Variants in RFX4 observed in about 807,000 individuals in gnomAD.
RFX4 encodes regulatory factor X4, also known as transcription factor RFX4.
In RFX4, 10 loss-of-function variants were observed where a neutral mutation model predicts 95.0. The ratio of observed to expected loss-of-function variants is 0.11; its 90% CI spans 0.06 to 0.18. RFX4 has a LOEUF of 0.18. Ranked by LOEUF, RFX4 falls within the 10% of genes least tolerant of loss-of-function variation. The probability of loss-of-function intolerance (pLI) is 1.00; values close to 1 mark genes in which losing one functional copy is unlikely to be tolerated. For missense variants in RFX4, 640 were observed against 922.0 expected, an observed-to-expected ratio of 0.69 and a Z score of 3.96; for synonymous variants, 321 against 340.7, an observed-to-expected ratio of 0.94 and a Z score of 0.64.
chr12:106,730,961 A>G (rs1394730196), intron 13 of RFX4, among the ~76,000 whole-genome samples: 1 of 152,158 alleles, frequency 6.6e-6, no homozygotes, highest in East Asian at 1.9e-4. Flanking sequence ...GACAGCGCCA[A>G]TGCACTCCAG....
chr12:106,671,692 C>T (rs939698223), intron 4 of RFX4, among the ~76,000 whole-genome samples: 5 of 151,882 alleles, frequency 3.3e-5, no homozygotes, highest in African/African-American at 4.8e-5. Context: ...GATGGAGTCT[C>T]GCTCTGTCAC....
chr12:106,639,424 C>T, intron 3 of RFX4, 32 bp downstream of exon 3: 1 of 1,594,554 alleles, frequency 6.3e-7, no homozygotes, highest in Non-Finnish European at 8.6e-7. Flanking sequence ...GTTCTGTCTT[C>T]AGAGGATGCT....
intron 17 of RFX4, 39 bp downstream of exon 17, chr12:106,750,832 A>ATACT (rs1250172721): frequency 3.4e-6 from 5 of 1,489,168 alleles, no homozygotes; most frequent in Non-Finnish European, 4.5e-6. Context: ...AGGCCTTGGT[A>ATACT]TACTTGGTGC....
At chr12:106,679,464 CA>C (rs35165186) in intron 4 of RFX4, among the ~76,000 whole-genome samples, 52,650 of 145,990 alleles carry the variant, frequency 0.36, 9,248 homozygotes, top group South Asian at 0.4. Context: ...CAGAAAAAAA[CA>C]AAAAAAAAAA....
intron 1 of RFX4, among the ~76,000 whole-genome samples, chr12:106,602,510 C>A (rs2039732920): frequency 6.6e-6 from 1 of 152,000 alleles, no homozygotes; most frequent in Admixed American, 6.6e-5. Context: ...CAGATTTGAG[C>A]TCCAAACCCC....
At chr12:106,677,336 G>C (rs1350758916) in intron 4 of RFX4, among the ~76,000 whole-genome samples, 1 of 152,044 alleles carries the variant, frequency 6.6e-6, no homozygotes, top group African/African-American at 2.4e-5. Flanking sequence ...TGGCATTCCA[G>C]GCACAGGGAA....
chr12:106,694,803 G>A lies in RFX4; in HGVS notation c.670-1480G>A, dbSNP rs139640532. On this transcript the variant is annotated intron_variant, in intron 7 of 17. Coordinates refer to ENST00000392842, the MANE Select transcript of RFX4 (RefSeq NM_213594.3). ...TAATCCCAGGACTTTGGGAGGCCGA[G>A]GCGTGCAGATCACCTGAGGTCAGGT... 6.5e-3 allele frequency among the ~76,000 whole-genome samples: 989 copies of A among 152,238 alleles called. 12 individuals are homozygous for A. Among genetic ancestry groups the A allele is most frequent in the African/African-American group, 0.023 (959 of 41,544 alleles).
chr12:106,694,297 G>A (rs2041837916), intron 7 of RFX4, among the ~76,000 whole-genome samples: 1 of 152,196 alleles, frequency 6.6e-6, no homozygotes, highest in Admixed American at 6.5e-5. Context: ...CCACAGGGAA[G>A]TCCAGGCAGG....
In RFX4 at chr12:106,607,471, G is replaced by A. The variant is rs1332266215; in HGVS notation, c.44-1326G>A. Among the ~76,000 whole-genome samples the A allele has an allele frequency of 3.3e-5, 5 of 149,454 alleles. No homozygotes were observed. In the South Asian group the frequency reaches 8.4e-4, roughly 25 times the overall value. ...GTGAGTTATTATGAAGTGAGCAGGT[G>A]TGACTCATAACACAACGTGGACCGA... is the stretch of plus-strand genomic sequence containing the variant. On this transcript the variant is annotated intron_variant, in intron 1 of 17. Coordinates refer to ENST00000392842, the MANE Select transcript of RFX4 (RefSeq NM_213594.3).
At chr12:106,688,219 G>A (rs887166021) in intron 6 of RFX4, among the ~76,000 whole-genome samples, 2 of 151,794 alleles carry the variant, frequency 1.3e-5, no homozygotes. Context: ...ACAGGCGCCC[G>A]CCATCACACC....
intron 4 of RFX4, among the ~76,000 whole-genome samples, chr12:106,675,891 G>C (rs2041383101): frequency 1.3e-5 from 2 of 152,186 alleles, no homozygotes; most frequent in Non-Finnish European, 2.9e-5. Context: ...AGAGGACGGG[G>C]AGAGGTAAGC....
intron 15 of RFX4, among the ~76,000 whole-genome samples, chr12:106,746,205 T>A (rs7972561): frequency 0.37 from 56,696 of 151,576 alleles, 10,695 homozygotes; most frequent in African/African-American, 0.42. Flanking sequence ...AAAATACAAA[T>A]ATTAGCCAGG....
At chr12:106,719,865 C>T in intron 11 of RFX4, 95 bp from the exon 12 acceptor site, 1 of 972,040 alleles carries the variant, frequency 1.0e-6, no homozygotes, top group Non-Finnish European at 1.6e-6. Flanking sequence ...TAAAGTTTTA[C>T]TTTATTCAAA....
chr12:106,640,894 C>A (rs1441754260), intron 3 of RFX4, among the ~76,000 whole-genome samples: 1 of 150,472 alleles, frequency 6.6e-6, no homozygotes, highest in Non-Finnish European at 1.5e-5. Context: ...GATCCTCTTA[C>A]CTCAGCCTCC....
At chr12:106,671,849 A>G (rs931496652) in intron 4 of RFX4, among the ~76,000 whole-genome samples, 5 of 151,958 alleles carry the variant, frequency 3.3e-5, no homozygotes, top group Non-Finnish European at 7.4e-5. Flanking sequence ...TTTAGTAGAG[A>G]CAGGGTTTCA....
chr12:106,597,045 A>C (rs947779371), intron 1 of RFX4, among the ~76,000 whole-genome samples: 1 of 152,142 alleles, frequency 6.6e-6, no homozygotes, highest in Non-Finnish European at 1.5e-5. Flanking sequence ...ATCCCTTACT[A>C]TGTGCTAGGC....
Position 106,622,777 on chromosome 12 carries a change from C to T in RFX4, c.130+13894C>T, listed in dbSNP as rs578197825. On this transcript the variant is annotated intron_variant, in intron 2 of 17. Transcript: ENST00000392842. ...CTTGGACTACAGGCACGTGCCACCA[C>T]GTCCAACTAATTTTTGTATTTTTAG... Among the ~76,000 whole-genome samples, 163 of 152,136 alleles carry T rather than the reference C, an allele frequency of 1.1e-3. 2 individuals carry two copies. Among genetic ancestry groups the T allele is most frequent in the Middle Eastern group, 6.8e-3 (2 of 294 alleles).
rs1465175207 is a variant in RFX4, at chr12:106,750,637, G to A, written c.1797-18G>A. ...CTTGCTATTACTCACACTATTCAAT[G>A]TGCTTGATGCATTTTAGATACACGG... On this transcript the variant is annotated intron_variant, in intron 16 of 17. Transcript: ENST00000392842. 7.0e-6 allele frequency: 11 copies of A among 1,579,966 alleles called. No homozygotes were observed. The highest frequency in any genetic ancestry group is 9.4e-6 in the Non-Finnish European group (11 of 1,164,102).
At chr12:106,606,546 C>T (rs2039837666) in intron 1 of RFX4, among the ~76,000 whole-genome samples, 1 of 152,220 alleles carries the variant, frequency 6.6e-6, no homozygotes, top group East Asian at 1.9e-4. Context: ...TGATGACAGA[C>T]ACCTACCTTG....
Sources: allele counts gnomAD v4.1 joint callset (sites outside exome capture counted in the v4.1 genomes callset), GRCh38; gene constraint gnomAD v4.1.1; transcripts MANE v1.5; gene names NCBI Gene and HGNC (gene_info 2026-07-23, HGNC 2026-07-21).